LNPK: variants seen among roughly 807,000 people sequenced by gnomAD.
LNPK encodes endoplasmic reticulum junction formation protein lunapark.
Under a neutral mutation model 55.2 loss-of-function variants are expected in LNPK, and 29 were observed. The observed-to-expected ratio is 0.53, with a 90% CI of 0.39 to 0.72. LNPK has a LOEUF of 0.72. LNPK is among the 30% of genes least tolerant of loss of function. The pLI is 0.00. For synonymous variants in LNPK, 162 were observed against 168.2 expected (o/e 0.96, Z 0.29); for missense variants, 467 against 494.8 (o/e 0.94, Z 0.53).
intron 6 of LNPK, among the ~76,000 whole-genome samples, chr2:175,966,888 A>C (rs926915245): frequency 6.6e-6 from 1 of 152,260 alleles, no homozygotes; most frequent in African/African-American, 2.4e-5. Flanking sequence ...CAATTTAAAA[A>C]AATATAATGT....
chr2:175,979,979 C>T (rs1242328088), intron 4 of LNPK, 111 bp from the exon 5 acceptor site: 1 of 979,436 alleles, frequency 1.0e-6, no homozygotes, highest in Non-Finnish European at 1.5e-6. Flanking sequence ...CATTGTTTCC[C>T]TTTATATACA....
intron 4 of LNPK, among the ~76,000 whole-genome samples, chr2:175,985,579 A>C (rs1264833477): frequency 6.6e-6 from 1 of 152,144 alleles, no homozygotes; most frequent in African/African-American, 2.4e-5. Context: ...GGCTAACTAG[A>C]AATTTACTAC....
chr2:175,938,320 T>A lies in LNPK; in HGVS notation c.876A>T (p.Glu292Asp), dbSNP rs1364305988. ...HNGMALKEEF[E>D]YIAFRCAYCF... The stretch of plus-strand genomic sequence containing the variant: ...TTGCCCAATAATTCTTACCAATGTA[T>A]TCAAATTCTTCCTTCAAAGCCATGC... Residue 292 changes from glutamate (E) to aspartate (D), a missense_variant, in exon 11 of 13, where the codon GAA (glutamate) becomes GAT (aspartate). Glu to Asp is a conservative substitution (Grantham distance 45). Transcript: ENST00000272748. 2.5e-6 allele frequency: 4 copies of A among 1,579,564 alleles called. No homozygotes were observed. In the Admixed American group the frequency reaches 5.0e-5, roughly 20 times the overall value.
intron 9 of LNPK, among the ~76,000 whole-genome samples, chr2:175,943,225 A>C (rs1226910394): frequency 1.3e-5 from 2 of 151,306 alleles, no homozygotes; most frequent in Admixed American, 6.6e-5. Context: ...AAAAAAAAAA[A>C]ACACCTTTTT....
chr2:175,980,814 G>C (rs1257946142), intron 4 of LNPK, among the ~76,000 whole-genome samples: 1 of 151,298 alleles, frequency 6.6e-6, no homozygotes, highest in African/African-American at 2.4e-5. Context: ...GGCTGAGGCA[G>C]GAGAATCACT....
chr2:175,972,033 C>T (rs1379051763), intron 5 of LNPK, among the ~76,000 whole-genome samples: 1 of 152,062 alleles, frequency 6.6e-6, no homozygotes, highest in Admixed American at 6.6e-5. Context: ...ATTCTTATAC[C>T]TCAGTCTCCC....
At chr2:175,992,161 CAT>C in intron 4 of LNPK, 68 bp downstream of exon 4, 2 of 932,180 alleles carry the variant, frequency 2.1e-6, no homozygotes, top group Non-Finnish European at 3.2e-6. Flanking sequence ...ACCGAATATA[CAT>C]ATTAGATATA....
intron 8 of LNPK, among the ~76,000 whole-genome samples, chr2:175,959,849 A>G (rs1335278829): frequency 6.6e-6 from 1 of 152,108 alleles, no homozygotes; most frequent in East Asian, 1.9e-4. Flanking sequence ...GGCTCAAAAT[A>G]AAGGGATGGA....
chr2:175,964,428 C>A lies in LNPK; in HGVS notation c.442-5G>T. ...AGCAGATGGCGGCTCACACTCCTGT[C>A]AATTATAATAATGTTATTACAGTGA... On this transcript the variant is annotated splice_region_variant and splice_polypyrimidine_tract_variant and intron_variant, in intron 7 of 12. Transcript: ENST00000272748. 2 of 1,612,238 alleles carry A rather than the reference C, an allele frequency of 1.2e-6. No homozygotes were observed. Among genetic ancestry groups the A allele is most frequent in the Non-Finnish European group, 1.7e-6 (2 of 1,178,364 alleles).
At chr2:175,964,758 A>G (rs1200911418) in intron 6 of LNPK, among the ~76,000 whole-genome samples, 169 bp from the exon 7 acceptor site, 1 of 152,162 alleles carries the variant, frequency 6.6e-6, no homozygotes, top group African/African-American at 2.4e-5. Context: ...CTAACCTCTA[A>G]TATGTTACTT....
intron 12 of LNPK, among the ~76,000 whole-genome samples, chr2:175,930,515 T>C (rs1684230419): frequency 6.6e-6 from 1 of 152,106 alleles, no homozygotes; most frequent in African/African-American, 2.4e-5. Context: ...AGTCCAAAAA[T>C]CATAGTCCCA....
At chr2:175,997,108 T>C (rs567573942) in intron 1 of LNPK, among the ~76,000 whole-genome samples, 57 of 152,326 alleles carry the variant, frequency 3.7e-4, no homozygotes, top group Non-Finnish European at 6.9e-4. Context: ...CATAGCTATC[T>C]TGGAGTTTCT....
chr2:175,930,574 A>G (rs570925428), intron 12 of LNPK, among the ~76,000 whole-genome samples: 2 of 145,980 alleles, frequency 1.4e-5, no homozygotes, highest in South Asian at 2.2e-4. Context: ...ATGCAAATGT[A>G]TTAATGTCCA....
intron 4 of LNPK, among the ~76,000 whole-genome samples, chr2:175,980,269 C>A (rs758673003): frequency 6.6e-6 from 1 of 152,132 alleles, no homozygotes; most frequent in Non-Finnish European, 1.5e-5. Context: ...AGGAAAAATG[C>A]TTTTACAAAT....
intron 4 of LNPK, among the ~76,000 whole-genome samples, chr2:175,982,269 G>C (rs1325848414): frequency 6.6e-6 from 1 of 152,128 alleles, no homozygotes; most frequent in Non-Finnish European, 1.5e-5. Flanking sequence ...AGAGATAGTG[G>C]CTAGAATTCT....
At chr2:175,995,803 C>CTTTTT (rs1559078193) in intron 1 of LNPK, among the ~76,000 whole-genome samples, 157 bp from the exon 2 acceptor site, 3 of 67,220 alleles carry the variant, frequency 4.5e-5, no homozygotes, top group Non-Finnish European at 9.8e-5. Flanking sequence ...ATAGAGTCTA[C>CTTTTT]CTTTTTTTTT....
Position 175,993,073 on chromosome 2 carries a change from T to C in LNPK, c.69+109A>G, listed in dbSNP as rs921220436. 5 of 661,282 alleles carry C rather than the reference T, an allele frequency of 7.6e-6. No individual in the cohort carries two copies. In the African/African-American group the frequency reaches 9.7e-5, roughly 13 times the overall value. The allele number at this position is 661,282 out of a possible 1,614,324, so 41.0% of individuals were successfully genotyped here. Reference sequence around the variant, plus strand: ...TTAAAGTTCTCAGACTCACTCTATATCATTTCTAAATTCCCATACCAGATT... The same window carrying C: ...TTAAAGTTCTCAGACTCACTCTATACCATTTCTAAATTCCCATACCAGATT... On this transcript the variant is annotated intron_variant, in intron 3 of 12. Coordinates refer to ENST00000272748, the MANE Select transcript of LNPK (RefSeq NM_030650.3).
chr2:175,955,176 G>A (rs1344578734), intron 8 of LNPK, among the ~76,000 whole-genome samples: 2 of 152,138 alleles, frequency 1.3e-5, no homozygotes, highest in Non-Finnish European at 2.9e-5. Context: ...TTCAACAAAC[G>A]GGAGCAGAGG....
chr2:175,991,964 G>A (rs1452752620), intron 4 of LNPK, among the ~76,000 whole-genome samples: 1 of 152,008 alleles, frequency 6.6e-6, no homozygotes, highest in African/African-American at 2.4e-5. Flanking sequence ...CGGGGAGCAT[G>A]GTCATCTACT....
Sources: allele counts gnomAD v4.1 joint callset (sites outside exome capture counted in the v4.1 genomes callset), GRCh38; gene constraint gnomAD v4.1.1; transcripts MANE v1.5; gene names NCBI Gene and HGNC (gene_info 2026-07-23, HGNC 2026-07-21).